Variants in EFR3A observed in about 807,000 individuals in gnomAD.
EFR3A encodes EFR3 homolog A, also known as protein EFR3 homolog A.
A neutral mutation model predicts 104.4 loss-of-function variants in EFR3A; 76 were observed. That is an observed-to-expected ratio of 0.73 (90% CI 0.60 to 0.88). The LOEUF (loss-of-function observed/expected upper bound fraction) is 0.88, where lower values mean the gene tolerates loss of function less well. Ranked by LOEUF, EFR3A falls within the 40% of genes least tolerant of loss-of-function variation. The pLI is 0.00. For synonymous variants in EFR3A, 330 were observed against 330.0 expected, an observed-to-expected ratio of 1.00 and a Z score of 0.00; for missense variants, 985 against 1,012.5, an observed-to-expected ratio of 0.97 and a Z score of 0.37.
At chr8:131,904,386 G>T (rs981162063) in intron 1 of EFR3A, 64 bp downstream of exon 1, 43 of 1,232,398 alleles carry the variant, frequency 3.5e-5, no homozygotes, top group Admixed American at 3.4e-4. Context: ...CGCTTGGGCC[G>T]GGTACTCCTC....
intron 14 of EFR3A, among the ~76,000 whole-genome samples, chr8:131,980,091 C>G (rs1338041636): frequency 6.6e-6 from 1 of 152,130 alleles, no homozygotes; most frequent in Non-Finnish European, 1.5e-5. Context: ...ACACTGCCAG[C>G]TGCCCTTATA....
chr8:131,986,346 C>T, intron 17 of EFR3A, 85 bp downstream of exon 17: 1 of 626,636 alleles, frequency 1.6e-6, no homozygotes, highest in Non-Finnish European at 2.7e-6. Context: ...AATATTGTTA[C>T]AATAATTCCT....
chr8:131,966,887 T>A (rs1461526965), intron 8 of EFR3A, among the ~76,000 whole-genome samples: 1 of 152,218 alleles, frequency 6.6e-6, no homozygotes, highest in Admixed American at 6.5e-5. Context: ...TTCCTTCCTT[T>A]CACTCCATAT....
intron 8 of EFR3A, among the ~76,000 whole-genome samples, chr8:131,966,483 T>C (rs1331109050): frequency 6.6e-6 from 1 of 152,166 alleles, no homozygotes; most frequent in African/African-American, 2.4e-5. Context: ...AATTGAAAAG[T>C]AGTAATAATA....
intron 13 of EFR3A, 148 bp from the exon 14 acceptor site, chr8:131,979,198 G>C: frequency 3.3e-6 from 3 of 902,618 alleles, no homozygotes; most frequent in Non-Finnish European, 4.9e-6. Context: ...TTTTTGGAGG[G>C]CACGTATGTA....
intron 5 of EFR3A, among the ~76,000 whole-genome samples, chr8:131,950,640 A>G (rs1398424075): frequency 6.6e-6 from 1 of 152,154 alleles, no homozygotes; most frequent in Non-Finnish European, 1.5e-5. Flanking sequence ...TCTATGGAAT[A>G]TAAATTCCAG....
chr8:131,943,810 C>T (rs1818285220), intron 2 of EFR3A, among the ~76,000 whole-genome samples: 1 of 151,950 alleles, frequency 6.6e-6, no homozygotes, highest in East Asian at 1.9e-4. Context: ...ACTGAGAAAG[C>T]AGGGATGTTT....
At chr8:131,964,180 C>G (rs1209867142) in intron 8 of EFR3A, among the ~76,000 whole-genome samples, 1 of 151,246 alleles carries the variant, frequency 6.6e-6, no homozygotes, top group Non-Finnish European at 1.5e-5. Flanking sequence ...GATGCCCTCT[C>G]TCACCACTCG....
chr8:131,944,641 G>C, intron 2 of EFR3A, 104 bp from the exon 3 acceptor site: 1 of 1,155,658 alleles, frequency 8.7e-7, no homozygotes, highest in East Asian at 2.6e-5. Flanking sequence ...CATAAATATC[G>C]TTTAATCCCC....
chr8:131,987,423 TG>T (rs1005557436), intron 17 of EFR3A, among the ~76,000 whole-genome samples, 151 bp from the exon 18 acceptor site: 31 of 152,196 alleles, frequency 2.0e-4, no homozygotes, highest in Non-Finnish European at 3.1e-4. Flanking sequence ...TCAAATTAGT[TG>T]CCTAAAATAT....
intron 2 of EFR3A, among the ~76,000 whole-genome samples, chr8:131,943,938 A>G (rs1037187187): frequency 6.6e-6 from 1 of 152,104 alleles, no homozygotes; most frequent in African/African-American, 2.4e-5. Context: ...CGGAGTAGGT[A>G]CAAAATATGA....
In EFR3A at chr8:131,946,550, C is replaced by A; in HGVS notation, c.283C>A (p.Pro95Thr). 1 of 1,608,000 alleles carries A rather than the reference C, an allele frequency of 6.2e-7. No homozygotes were observed. The highest frequency in any genetic ancestry group is 8.5e-7 in the Non-Finnish European group (1 of 1,177,168). ...LMACHSQSIK[P>T]FVESFLHMVA... The stretch of plus-strand genomic sequence containing the variant: ...GGCTTGCCATTCTCAAAGCATTAAG[C>A]CATTTGTAGAAAGCTTTCTTCATAT... The change falls in exon 4 of 23, where the codon CCA (proline) becomes ACA (threonine). Residue 95 changes from proline (P) to threonine (T), a missense_variant. Physicochemically the swap from Pro to Thr is conservative, Grantham distance 38. Coordinates refer to ENST00000254624, the MANE Select transcript of EFR3A (RefSeq NM_015137.6).
At chr8:131,954,758 A>G (rs1417941715) in intron 6 of EFR3A, among the ~76,000 whole-genome samples, 1 of 151,712 alleles carries the variant, frequency 6.6e-6, no homozygotes, top group African/African-American at 2.4e-5. Flanking sequence ...GAAGAGGAAA[A>G]TTGGAATCAA....
Position 131,986,195 on chromosome 8 carries a change from T to C in EFR3A, c.1871T>C (p.Val624Ala). 6.4e-7 allele frequency: 1 copy of C among 1,567,676 alleles called. No individual in the cohort carries two copies. ...GTTCTGTTTTTGAATATTTTTTAGG[T>C]TATTGAAATTCGAACTATGGAAGCC... The part of the protein sequence containing the change: ...VPAFCQHVSK[V>A]IEIRTMEAPY... The change falls in exon 17 of 23, where the codon GTT becomes GCT. Residue 624 changes from valine (V) to alanine (A), a missense_variant and splice_region_variant. Transcript: ENST00000254624.
chr8:131,987,805 T>C (rs908968552), intron 18 of EFR3A, 103 bp downstream of exon 18: 2 of 1,254,066 alleles, frequency 1.6e-6, no homozygotes, highest in Non-Finnish European at 2.2e-6. Context: ...GTGTGTGTCC[T>C]TACTATAGCC....
In EFR3A at chr8:131,923,800, C is replaced by T. The variant is rs550380312; in HGVS notation, c.11-16699C>T. Reference sequence around the variant, plus strand: ...GCGCACTCAGAAGAACTGCTTCTTACCAAAACATCTGTCTCTTCAGCTTTC... The same window carrying T: ...GCGCACTCAGAAGAACTGCTTCTTATCAAAACATCTGTCTCTTCAGCTTTC... On this transcript the variant is annotated intron_variant, in intron 1 of 22. Coordinates refer to ENST00000254624, the MANE Select transcript of EFR3A (RefSeq NM_015137.6). Among the ~76,000 whole-genome samples, 279 of 152,148 alleles carry T rather than the reference C, an allele frequency of 1.8e-3. 2 individuals carry two copies. Among genetic ancestry groups the T allele is most frequent in the African/African-American group, 6.5e-3 (271 of 41,536 alleles).
At chr8:131,972,633 G>T (rs932129077) in intron 10 of EFR3A, among the ~76,000 whole-genome samples, 1 of 151,770 alleles carries the variant, frequency 6.6e-6, no homozygotes, top group African/African-American at 2.4e-5. Flanking sequence ...TTTTCTTTAG[G>T]ATAGCCAGAT....
intron 10 of EFR3A, among the ~76,000 whole-genome samples, chr8:131,971,556 C>T (rs868631386): frequency 6.6e-6 from 1 of 151,968 alleles, no homozygotes; most frequent in Non-Finnish European, 1.5e-5. Context: ...GGCGAGGTGG[C>T]GGGCACCTGT....
intron 18 of EFR3A, among the ~76,000 whole-genome samples, chr8:131,994,333 C>T (rs1821367716): frequency 1.3e-5 from 2 of 152,060 alleles, no homozygotes; most frequent in Admixed American, 6.6e-5. Context: ...ACCTGAGCTT[C>T]CCTACTGTTT....
Sources: gnomAD v4.1 joint callset for allele counts (sites outside exome capture counted in the v4.1 genomes callset) on GRCh38, gnomAD v4.1.1 for gene constraint, MANE v1.5 for transcripts, NCBI Gene and HGNC (gene_info 2026-07-23, HGNC 2026-07-21) for gene names.